The following URB1 variants were observed in gnomAD, a reference collection of about 807,000 sequenced individuals.
The protein encoded by URB1 is nucleolar pre-ribosomal-associated protein 1.
A neutral mutation model predicts 242.3 loss-of-function variants in URB1; 197 were observed. That is an observed-to-expected ratio of 0.81 (90% confidence interval 0.72 to 0.91). The LOEUF (loss-of-function observed/expected upper bound fraction) is 0.91. URB1 is among the 40% of genes least tolerant of loss of function. URB1 has a pLI of 0.00. For missense variants in URB1, 2,721 were observed against 2,860.5 expected, an observed-to-expected ratio of 0.95 and a Z score of 1.11; for synonymous variants, 1,153 against 1,201.8, an observed-to-expected ratio of 0.96 and a Z score of 0.84.
intron 24 of URB1, among the ~76,000 whole-genome samples, chr21:32,342,077 TGCTAGTA>T (rs2033036889): frequency 2.0e-5 from 3 of 152,174 alleles, no homozygotes; most frequent in Non-Finnish European, 4.4e-5. Context: ...TGGTTATTTC[TGCTAGTA>T]GCTCTGACAT....
chr21:32,369,016 T>A (rs900866096), intron 8 of URB1, among the ~76,000 whole-genome samples: 1 of 152,160 alleles, frequency 6.6e-6, no homozygotes, highest in Non-Finnish European at 1.5e-5. Flanking sequence ...TTTGAGATTT[T>A]ACTGACGTTC....
intron 30 of URB1, 38 bp from the exon 31 acceptor site, chr21:32,325,427 A>G: frequency 6.6e-7 from 1 of 1,523,296 alleles, no homozygotes; most frequent in Non-Finnish European, 8.9e-7. Flanking sequence ...CACACACAAT[A>G]TGATTTTATT....
chr21:32,340,224 C>T (rs1054246793), intron 25 of URB1, among the ~76,000 whole-genome samples: 22 of 152,158 alleles, frequency 1.4e-4, no homozygotes, highest in African/African-American at 3.9e-4. Context: ...TAATGCATGA[C>T]TATCTGATTG....
chr21:32,337,214 C>T lies in URB1; in HGVS notation c.4622-57G>A, dbSNP rs1252564605. On this transcript the variant is annotated intron_variant, in intron 27 of 38. Coordinates refer to ENST00000382751, the MANE Select transcript of URB1 (RefSeq NM_014825.3). ...ATGAACCCCTGACACCCTCCTGCTG[C>T]TCCCACCACCTGCCCTCATACCCTC... 8 of 1,515,544 alleles carry T rather than the reference C, an allele frequency of 5.3e-6. No individual in the cohort carries two copies. In the South Asian group the frequency reaches 6.0e-5, roughly 11 times the overall value. The allele number at this position is 1,515,544 out of a possible 1,614,324, so 93.9% of individuals were successfully genotyped here.
At chr21:32,319,020 G>C (rs962666687) in intron 36 of URB1, among the ~76,000 whole-genome samples, 197 bp downstream of exon 36, 4 of 151,838 alleles carry the variant, frequency 2.6e-5, no homozygotes, top group African/African-American at 7.3e-5. Context: ...AAAATTGAAG[G>C]GCAAAGAAAG....
intron 16 of URB1, 54 bp downstream of exon 16, chr21:32,355,395 A>T: frequency 6.8e-7 from 1 of 1,481,070 alleles, no homozygotes; most frequent in Admixed American, 2.0e-5. Flanking sequence ...GACGCTAAGA[A>T]GTTAATATAA....
Position 32,385,536 on chromosome 21 carries a change from A to G in URB1, c.282+9T>C. On this transcript the variant is annotated intron_variant, in intron 2 of 38. Coordinates refer to ENST00000382751, the MANE Select transcript of URB1 (RefSeq NM_014825.3). Reference sequence around the variant, plus strand: ...TTCTCTTCATCAAGCCATGTAAGGAACAACTTACTTCACTTTCAGGTCGTT... The same window carrying G: ...TTCTCTTCATCAAGCCATGTAAGGAGCAACTTACTTCACTTTCAGGTCGTT... The G allele has an allele frequency of 6.4e-7, 1 of 1,551,922 alleles. No homozygotes were observed. Among genetic ancestry groups the G allele is most frequent in the Non-Finnish European group, 8.7e-7 (1 of 1,147,020 alleles).
intron 8 of URB1, among the ~76,000 whole-genome samples, chr21:32,371,932 TACC>T (rs1338472490): frequency 2.0e-5 from 3 of 152,200 alleles, no homozygotes; most frequent in Admixed American, 1.3e-4. Context: ...GATGAAATGT[TACC>T]ACAATTGTGA....
chr21:32,351,817 T>G (rs377648516), intron 19 of URB1, among the ~76,000 whole-genome samples: 1 of 152,240 alleles, frequency 6.6e-6, no homozygotes, highest in East Asian at 1.9e-4. Flanking sequence ...GGCCTACGTG[T>G]GGGGGAAGGT....
chr21:32,318,956 G>A (rs2032727259), intron 36 of URB1, among the ~76,000 whole-genome samples: 1 of 152,154 alleles, frequency 6.6e-6, no homozygotes, highest in Admixed American at 6.5e-5. Context: ...TGCACATTAG[G>A]TGTTAATGTT....
At chr21:32,361,198 A>AGAAAGAAAGAAAGAAAGAAAGAAG (rs1568825026) in intron 12 of URB1, 75 bp from the exon 13 acceptor site, 12 of 970,164 alleles carry the variant, frequency 1.2e-5, no homozygotes, top group African/African-American at 6.8e-5. Context: ...AAAGAAAGAA[A>AGAAAGAAAGAAAGAAAGAAAGAAG]GAAAGAAAAT....
intron 5 of URB1, among the ~76,000 whole-genome samples, chr21:32,376,686 A>G (rs1167297898): frequency 6.6e-6 from 1 of 152,070 alleles, no homozygotes; most frequent in East Asian, 1.9e-4. Context: ...CCTCCAGGCT[A>G]GAGTGCAGTG....
chr21:32,337,606 G>A (rs2032976519), intron 26 of URB1, 92 bp from the exon 27 acceptor site: 1 of 1,011,280 alleles, frequency 9.9e-7, no homozygotes, highest in Non-Finnish European at 1.5e-6. Context: ...ACATTGAAAT[G>A]CTGGAAATCT....
At chr21:32,385,147 G>A (rs2033569986) in intron 2 of URB1, among the ~76,000 whole-genome samples, 1 of 152,198 alleles carries the variant, frequency 6.6e-6, no homozygotes. Context: ...ATAACCCTGA[G>A]ATTTCAACAG....
intron 14 of URB1, among the ~76,000 whole-genome samples, chr21:32,359,161 A>G (rs1188261280): frequency 6.6e-6 from 1 of 152,238 alleles, no homozygotes; most frequent in Non-Finnish European, 1.5e-5. Flanking sequence ...TAAAAAGTAC[A>G]TCAGCTCAGA....
intron 25 of URB1, among the ~76,000 whole-genome samples, chr21:32,340,393 C>G (rs1444845482): frequency 6.6e-6 from 1 of 152,204 alleles, no homozygotes; most frequent in African/African-American, 2.4e-5. Flanking sequence ...AGGTGGATTA[C>G]CTGAGGTCAG....
chr21:32,354,444 A>T (rs1158232976), intron 17 of URB1, among the ~76,000 whole-genome samples: 1 of 152,230 alleles, frequency 6.6e-6, no homozygotes. Context: ...CACAGGCCAG[A>T]GCCAGAGTAC....
chr21:32,322,484 G>C lies in URB1; in HGVS notation c.5334C>G (p.Asp1778Glu), dbSNP rs1447267577. 4 of 1,552,190 alleles carry C rather than the reference G, an allele frequency of 2.6e-6. No homozygotes were observed. The highest frequency in any genetic ancestry group is 3.5e-6 in the Non-Finnish European group (4 of 1,147,078). ...PGFYQFFYSSDFEQKTEQKWV... is the reference protein window; with the variant it reads ...PGFYQFFYSSEFEQKTEQKWV... ...GAGGACTCTGGAAGCATACCTCAAAGTCGGAGCTGTAGAAGAACTGGTAGA... is the reference window on the plus strand; with the variant it reads ...GAGGACTCTGGAAGCATACCTCAAACTCGGAGCTGTAGAAGAACTGGTAGA... Residue 1778 changes from aspartate to glutamate, a missense_variant, in exon 33 of 39, where the codon GAC becomes GAG. Asp to Glu is a conservative substitution (Grantham distance 45). Coordinates refer to ENST00000382751, the MANE Select transcript of URB1 (RefSeq NM_014825.3).
At position 32,355,472 on chromosome 21, in the gene URB1, T is replaced by C. The variant is rs201625083; in HGVS notation, c.2083A>G (p.Thr695Ala). The change falls in exon 16 of 39, where the codon ACT becomes GCT. Residue 695 changes from threonine to alanine, a missense_variant. Thr to Ala is a moderately conservative substitution (Grantham distance 58, BLOSUM62 0). Coordinates refer to ENST00000382751, the MANE Select transcript of URB1 (RefSeq NM_014825.3). ...ACGCGTTCCAGAAACTGAATCACAGTCTCTTTGTCCTCTTCCATGGTGTTC... is the reference window on the plus strand; with the variant it reads ...ACGCGTTCCAGAAACTGAATCACAGCCTCTTTGTCCTCTTCCATGGTGTTC... ...LENTMEEDKE[T>A]VIQFLERILL... 4.2e-4 allele frequency: 652 copies of C among 1,551,860 alleles called. 2 individuals carry two copies. Among genetic ancestry groups the C allele is most frequent in the Admixed American group, 1.1e-3 (56 of 51,008 alleles).
Sources: gnomAD v4.1 joint callset for allele counts (sites outside exome capture counted in the v4.1 genomes callset) on GRCh38, gnomAD v4.1.1 for gene constraint, MANE v1.5 for transcripts, NCBI Gene and HGNC (gene_info 2026-07-23, HGNC 2026-07-21) for gene names.